SLIT2: variants seen among roughly 807,000 people sequenced by gnomAD.
SLIT2 encodes slit guidance ligand 2.
A neutral mutation model predicts 185.7 loss-of-function variants in SLIT2; 41 were observed. That is an observed-to-expected ratio of 0.22 (90% CI 0.17 to 0.29). The LOEUF (loss-of-function observed/expected upper bound fraction) is 0.29. Ranked by LOEUF, SLIT2 falls within the 10% of genes least tolerant of loss-of-function variation. The pLI is 1.00. For missense variants in SLIT2, 1,571 were observed against 1,909.0 expected (o/e 0.82, Z 3.30); for synonymous variants, 693 against 680.2 (o/e 1.02, Z -0.29).
chr4:20,602,540 G>T (rs1255035767), intron 33 of SLIT2, among the ~76,000 whole-genome samples: 1 of 152,112 alleles, frequency 6.6e-6, no homozygotes, highest in Non-Finnish European at 1.5e-5. Flanking sequence ...CCAAAAGTCT[G>T]CATTGGAATC....
chr4:20,478,880 G>A (rs1716399783), intron 5 of SLIT2, among the ~76,000 whole-genome samples: 1 of 152,138 alleles, frequency 6.6e-6, no homozygotes, highest in Admixed American at 6.6e-5. Context: ...AATTTAATCT[G>A]TAAAAATCAA....
intron 11 of SLIT2, among the ~76,000 whole-genome samples, chr4:20,518,901 C>T (rs373930049): frequency 6.6e-6 from 1 of 151,102 alleles, no homozygotes; most frequent in African/African-American, 2.4e-5. Flanking sequence ...CCACCGCGCC[C>T]GGCCATGTAT....
In SLIT2 at chr4:20,518,209, TTA is replaced by T. The variant is rs202007266; in HGVS notation, c.1059-1162_1059-1161del. Reference sequence around the variant, plus strand: ...TACATATACATACATATACATATATTTATATATATATACATATATATGTGTGT... The same window carrying T: ...TACATATACATACATATACATATATTTATATATATACATATATATGTGTGT... On this transcript the variant is annotated intron_variant, in intron 11 of 36. Coordinates refer to ENST00000504154, the MANE Select transcript of SLIT2 (RefSeq NM_004787.4). 5.9e-3 allele frequency among the ~76,000 whole-genome samples: 821 copies of T among 139,472 alleles called. 21 individuals carry two copies. The highest frequency in any genetic ancestry group is 0.021 in the African/African-American group (780 of 37,788). The allele number at this position is 139,472 out of a possible 152,430, so 91.5% of individuals were successfully genotyped here. A position where few individuals can be genotyped will look rare whatever the true frequency, so the allele number is the denominator to read the frequency against.
chr4:20,601,815 G>A (rs1470623557), intron 33 of SLIT2, among the ~76,000 whole-genome samples: 2 of 152,038 alleles, frequency 1.3e-5, no homozygotes. Flanking sequence ...TTCAAATTTT[G>A]ATTTGTTTCC....
chr4:20,459,404 A>C (rs1490410080), intron 4 of SLIT2, among the ~76,000 whole-genome samples: 1 of 152,204 alleles, frequency 6.6e-6, no homozygotes, highest in Non-Finnish European at 1.5e-5. Flanking sequence ...TGAATACATG[A>C]ATGAGAAAAT....
At chr4:20,323,437 T>C (rs1719274297) in intron 4 of SLIT2, among the ~76,000 whole-genome samples, 3 of 152,198 alleles carry the variant, frequency 2.0e-5, no homozygotes, top group Non-Finnish European at 4.4e-5. Context: ...TTAAATTGAA[T>C]TGAAATCAAT....
chr4:20,580,548 G>A (rs1470693514), intron 29 of SLIT2, among the ~76,000 whole-genome samples: 1 of 152,078 alleles, frequency 6.6e-6, no homozygotes, highest in Non-Finnish European at 1.5e-5. Flanking sequence ...TCAAGACACA[G>A]TAGTCTATGA....
chr4:20,611,331 G>C (rs1729205920), intron 34 of SLIT2, among the ~76,000 whole-genome samples: 1 of 152,126 alleles, frequency 6.6e-6, no homozygotes, highest in African/African-American at 2.4e-5. Context: ...GACAGAGTTG[G>C]ATTGTTTTAG....
intron 34 of SLIT2, among the ~76,000 whole-genome samples, chr4:20,614,646 G>A (rs1007084612): frequency 2.6e-5 from 4 of 151,712 alleles, no homozygotes; most frequent in African/African-American, 4.8e-5. Flanking sequence ...GCGTGGTGGT[G>A]CATGCCTGTA....
chr4:20,499,524 C>G (rs942938417), intron 9 of SLIT2, among the ~76,000 whole-genome samples: 15 of 152,246 alleles, frequency 9.9e-5, no homozygotes, highest in African/African-American at 2.6e-4. Context: ...GAGTCTCGCT[C>G]TGTCATCCAG....
At position 20,253,982 on chromosome 4, in the gene SLIT2, A is replaced by G. The variant is rs1722250607; in HGVS notation, c.167A>G (p.Asn56Ser). Residue 56 changes from asparagine to serine, a missense_variant, in exon 1 of 37, where the codon AAC becomes AGC. By Grantham distance (46) the Asn-to-Ser change is conservative (BLOSUM62 1). Coordinates refer to ENST00000504154, the MANE Select transcript of SLIT2 (RefSeq NM_004787.4). ...AGCGTGCCCAGGAATATCCCCCGCA[A>G]CACCGAGAGACTGTGAGTATGCGCT... is the stretch of plus-strand genomic sequence containing the variant. Reference protein sequence around the residue: ...LRSVPRNIPRNTERLDLNGNN... With the variant: ...LRSVPRNIPRSTERLDLNGNN... 1.9e-6 allele frequency: 3 copies of G among 1,599,468 alleles called. No homozygotes were observed. The highest frequency in any genetic ancestry group is 2.5e-6 in the Non-Finnish European group (3 of 1,178,454).
chr4:20,526,971 A>G (rs1721352309), intron 15 of SLIT2, among the ~76,000 whole-genome samples: 1 of 152,222 alleles, frequency 6.6e-6, no homozygotes, highest in South Asian at 2.1e-4. Flanking sequence ...GGAGTGAAGC[A>G]TAAATCATAA....
intron 5 of SLIT2, among the ~76,000 whole-genome samples, chr4:20,468,041 C>T (rs1714552125): frequency 6.6e-6 from 1 of 152,070 alleles, no homozygotes; most frequent in South Asian, 2.1e-4. Flanking sequence ...TCATTAAATT[C>T]ATTCTTTAAT....
At chr4:20,340,973 A>G (rs772124995) in intron 4 of SLIT2, among the ~76,000 whole-genome samples, 15 of 152,172 alleles carry the variant, frequency 9.9e-5, no homozygotes, top group Admixed American at 2.6e-4. Flanking sequence ...TGAGGAGGGT[A>G]GGGATGGTTG....
chr4:20,546,215 C>T (rs2292439), intron 22 of SLIT2, 116 bp downstream of exon 22: 268,493 of 545,618 alleles, frequency 0.49, 69,541 homozygotes, highest in East Asian at 0.82. Flanking sequence ...CAGTTAGATG[C>T]TTCCCTCCTT....
At position 20,488,867 on chromosome 4, in the gene SLIT2, C is replaced by T. The variant is rs566102530; in HGVS notation, c.660C>T (p.Leu220=). The T allele has an allele frequency of 2.5e-6, 4 of 1,611,558 alleles. No homozygotes were observed. Among genetic ancestry groups the T allele is most frequent in the African/African-American group, 1.3e-5 (1 of 74,910 alleles). ...ATTGTGACTGCCACCTGGCCTGGCT[C>T]TCCGACTGGCTTCGCCAAAGGCCTC... ...NLYCDCHLAW[L]SDWLRQRPRV... The change falls in exon 8 of 37, where the codon CTC becomes CTT. Residue 220 remains leucine, a synonymous_variant. Transcript: ENST00000504154.
chr4:20,447,288 G>C (rs1711921231), intron 4 of SLIT2, among the ~76,000 whole-genome samples: 1 of 152,154 alleles, frequency 6.6e-6, no homozygotes, highest in South Asian at 2.1e-4. Flanking sequence ...CGAGGACCAG[G>C]GCAGACAGTG....
At chr4:20,343,244 G>C (rs1321220457) in intron 4 of SLIT2, among the ~76,000 whole-genome samples, 1 of 151,996 alleles carries the variant, frequency 6.6e-6, no homozygotes, top group Non-Finnish European at 1.5e-5. Context: ...CCCAGTCTCT[G>C]ATATCTATCA....
intron 12 of SLIT2, among the ~76,000 whole-genome samples, chr4:20,523,550 T>C (rs1721021205): frequency 6.6e-6 from 1 of 152,230 alleles, no homozygotes; most frequent in African/African-American, 2.4e-5. Context: ...TAAATACCAC[T>C]AGATTTAGGT....
Sources: gnomAD v4.1 joint callset for allele counts (sites outside exome capture counted in the v4.1 genomes callset) on GRCh38, gnomAD v4.1.1 for gene constraint, MANE v1.5 for transcripts, NCBI Gene and HGNC (gene_info 2026-07-23, HGNC 2026-07-21) for gene names.